PDE1C: variants seen among roughly 807,000 people sequenced by gnomAD.
The protein encoded by PDE1C is phosphodiesterase 1C.
In PDE1C, 62 loss-of-function variants were observed where a neutral mutation model predicts 93.1. The ratio of observed to expected loss-of-function variants is 0.67; its 90% CI spans 0.54 to 0.82. The LOEUF (loss-of-function observed/expected upper bound fraction) is 0.82, where lower values mean the gene tolerates loss of function less well. PDE1C is among the 40% of genes least tolerant of loss of function. The probability of loss-of-function intolerance (pLI) is 0.00; values close to 1 mark genes in which losing one functional copy is unlikely to be tolerated. For missense variants in PDE1C, 742 were observed against 884.6 expected (o/e 0.84, Z 2.04); for synonymous variants, 325 against 310.1 (o/e 1.05, Z -0.50).
At chr7:32,381,556 C>T (rs866212586) in intron 1 of PDE1C, among the ~76,000 whole-genome samples, 1 of 152,146 alleles carries the variant, frequency 6.6e-6, no homozygotes, top group Admixed American at 6.5e-5. Flanking sequence ...CTCTGAAAGC[C>T]CAAGCATACT....
At chr7:31,662,600 T>C in the PDE1C span, among the ~76,000 whole-genome samples, 2 of 152,226 alleles carry the variant, frequency 1.3e-5, no homozygotes, top group African/African-American at 4.8e-5. Flanking sequence ...GTCTGTGTTG[T>C]GTAGACGTAT....
At chr7:32,076,740 GA>G (rs1057072343) in intron 3 of PDE1C, among the ~76,000 whole-genome samples, 2 of 151,780 alleles carry the variant, frequency 1.3e-5, no homozygotes, top group African/African-American at 4.8e-5. Flanking sequence ...AAAACAATGT[GA>G]AAGGGTCCAT....
At chr7:32,098,294 A>G (rs1797872732) in intron 3 of PDE1C, among the ~76,000 whole-genome samples, 1 of 150,834 alleles carries the variant, frequency 6.6e-6, no homozygotes, top group Non-Finnish European at 1.5e-5. Context: ...GCGGGTAATC[A>G]TTTATTTTCT....
chr7:32,349,818 C>T (rs1375202156), intron 1 of PDE1C, among the ~76,000 whole-genome samples: 1 of 152,078 alleles, frequency 6.6e-6, no homozygotes. Context: ...TTAGTAGAGA[C>T]AGGGTTTCAC....
chr7:32,026,444 A>C (rs888587292), intron 2 of PDE1C, among the ~76,000 whole-genome samples: 2 of 152,122 alleles, frequency 1.3e-5, no homozygotes, highest in African/African-American at 4.8e-5. Context: ...TTCCAACTGA[A>C]CCACTGATTT....
intron 16 of PDE1C, chr7:31,788,616 T>C (rs73686956): frequency 6.6e-6 from 1 of 152,310 alleles, no homozygotes; most frequent in African/African-American, 2.4e-5. Context: ...GAATTGCCAT[T>C]TACCACAATG....
At chr7:32,211,108 C>T (rs1408463437) in intron 1 of PDE1C, among the ~76,000 whole-genome samples, 1 of 152,110 alleles carries the variant, frequency 6.6e-6, no homozygotes. Flanking sequence ...ACTCGGGAGG[C>T]TGAGGCAGGA....
the PDE1C span, among the ~76,000 whole-genome samples, chr7:31,632,499 T>A: frequency 2.0e-5 from 3 of 152,142 alleles, no homozygotes; most frequent in African/African-American, 7.2e-5. Context: ...GGAACCATGG[T>A]CCCAAACAAG....
At chr7:32,137,490 T>C (rs540999953) in intron 3 of PDE1C, among the ~76,000 whole-genome samples, 1 of 152,240 alleles carries the variant, frequency 6.6e-6, no homozygotes, top group South Asian at 2.1e-4. Flanking sequence ...TTAGCAACCA[T>C]GGTTAAATAA....
intron 1 of PDE1C, among the ~76,000 whole-genome samples, chr7:32,306,224 T>C (rs1268751680): frequency 6.6e-6 from 1 of 152,052 alleles, no homozygotes; most frequent in Non-Finnish European, 1.5e-5. Flanking sequence ...CAGTCTTGGG[T>C]ATGTCTTTAT....
intron 16 of PDE1C, among the ~76,000 whole-genome samples, chr7:31,802,580 T>C (rs1297788524): frequency 6.6e-6 from 1 of 151,730 alleles, no homozygotes; most frequent in Non-Finnish European, 1.5e-5. Context: ...TTCCTTAAAA[T>C]TTCTTGCATG....
At chr7:32,219,236 G>T (rs537940861) in intron 1 of PDE1C, among the ~76,000 whole-genome samples, 1 of 152,202 alleles carries the variant, frequency 6.6e-6, no homozygotes, top group African/African-American at 2.4e-5. Flanking sequence ...GACGAGGACA[G>T]GTGAGATTAG....
rs1315063038 is a variant in PDE1C at position 31,989,100 on chromosome 7, AAGAAAG to A, written c.128+62448_128+62453del. On this transcript the variant is annotated intron_variant, in intron 2 of 17. Coordinates refer to ENST00000396191, the MANE Select transcript of PDE1C (RefSeq NM_001191057.4). ...AGAGAGAGAAAGAAACAAAGAAAGAAAGAAAGAGAAAGAGAAAGAAAGAGGAAAAGA... is the reference window on the plus strand; with the variant it reads ...AGAGAGAGAAAGAAACAAAGAAAGAAAGAAAGAGAAAGAAAGAGGAAAAGA... 3.4e-3 allele frequency among the ~76,000 whole-genome samples: 521 copies of A among 151,436 alleles called. 2 individuals are homozygous for A. Among genetic ancestry groups the A allele is most frequent in the African/African-American group, 0.012 (495 of 41,042 alleles).
At chr7:31,870,819 C>T (rs1795854588) in intron 6 of PDE1C, among the ~76,000 whole-genome samples, 1 of 151,944 alleles carries the variant, frequency 6.6e-6, no homozygotes, top group South Asian at 2.1e-4. Flanking sequence ...ATCAAAATTA[C>T]AGGCCACTAT....
At chr7:31,971,483 G>C (rs1014218659) in intron 2 of PDE1C, among the ~76,000 whole-genome samples, 1 of 152,164 alleles carries the variant, frequency 6.6e-6, no homozygotes, top group Admixed American at 6.5e-5. Context: ...CGCTAGGGAT[G>C]ATGCATATAA....
chr7:31,924,592 T>G (rs1803100091), intron 2 of PDE1C, among the ~76,000 whole-genome samples: 1 of 148,672 alleles, frequency 6.7e-6, no homozygotes, highest in East Asian at 2.0e-4. Context: ...AAAGAGCCTT[T>G]TCTTTCCAAT....
chr7:31,731,058 C>T, the PDE1C span, among the ~76,000 whole-genome samples: 1 of 151,822 alleles, frequency 6.6e-6, no homozygotes, highest in Non-Finnish European at 1.5e-5. Context: ...AAGCTACGTG[C>T]AGGGGGAAGT....
At chr7:32,259,064 G>T (rs1326552160) in intron 1 of PDE1C, among the ~76,000 whole-genome samples, 1 of 152,188 alleles carries the variant, frequency 6.6e-6, no homozygotes, top group Non-Finnish European at 1.5e-5. Flanking sequence ...TAGAACATGA[G>T]TAAAGGTTTA....
chr7:32,349,662 C>T (rs917854005), intron 1 of PDE1C, among the ~76,000 whole-genome samples: 1 of 151,992 alleles, frequency 6.6e-6, no homozygotes, highest in Non-Finnish European at 1.5e-5. Context: ...GAGTCTCACT[C>T]TGTTGCCCAG....
Sources: allele counts gnomAD v4.1 joint callset (sites outside exome capture counted in the v4.1 genomes callset), GRCh38; gene constraint gnomAD v4.1.1; transcripts MANE v1.5; gene names NCBI Gene and HGNC (gene_info 2026-07-23, HGNC 2026-07-21).